ANLN: variants seen among roughly 807,000 people sequenced by gnomAD.
The protein encoded by ANLN is anillin.
ANLN carries 59 observed loss-of-function variants against 135.1 expected under a neutral mutation model. That is an observed-to-expected ratio of 0.44 (90% confidence interval 0.35 to 0.54). The LOEUF (loss-of-function observed/expected upper bound fraction) is 0.54. ANLN is among the 20% of genes least tolerant of loss of function. The pLI is 0.00. For missense variants in ANLN, 1,182 were observed against 1,340.0 expected (o/e 0.88, Z 1.84); for synonymous variants, 406 against 456.4 (o/e 0.89, Z 1.41).
Position 36,453,568 on chromosome 7 carries a change from A to T in ANLN, c.*968A>T, listed in dbSNP as rs11550332. The T allele has an allele frequency of 6.6e-6, 1 of 152,172 alleles. No individual in the cohort carries two copies. Among genetic ancestry groups the T allele is most frequent in the African/African-American group, 2.4e-5 (1 of 41,424 alleles). The allele number at this position is 152,172 out of a possible 1,614,324, so 9.4% of individuals were successfully genotyped here. ...CTATCACCTTTAAACGCCTTTTTTT[A>T]AAATTATAAAATATTGTAAAGCAGG... is the stretch of plus-strand genomic sequence containing the variant. On this transcript the variant is annotated 3_prime_UTR_variant, in exon 24 of 24. Coordinates refer to ENST00000265748, the MANE Select transcript of ANLN (RefSeq NM_018685.5).
chr7:36,390,021 G>A lies in ANLN; in HGVS notation c.-6G>A. 1 of 1,614,084 alleles carries A rather than the reference G, an allele frequency of 6.2e-7. No individual in the cohort carries two copies. Among genetic ancestry groups the A allele is most frequent in the Non-Finnish European group, 8.5e-7 (1 of 1,179,978 alleles). ...TCCATCGTCTCGTAGTCCGACGCCT[G>A]GGGCGATGGATCCGTTTACGGAGGT... On this transcript the variant is annotated 5_prime_UTR_variant, in exon 1 of 24. Coordinates refer to ENST00000265748, the MANE Select transcript of ANLN (RefSeq NM_018685.5).
In ANLN at chr7:36,399,501, T is replaced by C. The variant is rs540744157; in HGVS notation, c.487+108T>C. The stretch of plus-strand genomic sequence containing the variant: ...TCATGAAAAATAAATGCTTTTGTTT[T>C]ATCTATATGTTGAGTATCCTTTGCT... On this transcript the variant is annotated intron_variant, in intron 3 of 23. Transcript: ENST00000265748. 8.2e-5 allele frequency: 84 copies of C among 1,028,536 alleles called. 2 individuals carry two copies. In the South Asian group the frequency reaches 1.4e-3, roughly 17 times the overall value. The allele number at this position is 1,028,536 out of a possible 1,614,324, so 63.7% of individuals were successfully genotyped here. A position where few individuals can be genotyped will look rare whatever the true frequency, so the allele number is the denominator to read the frequency against.
chr7:36,426,967 T>C lies in ANLN; in HGVS notation c.2822T>C (p.Leu941Pro), dbSNP rs1339405645. Residue 941 changes from leucine (L) to proline (P), a missense_variant, in exon 20 of 24, where the codon CTT (leucine) becomes CCT (proline). Physicochemically the swap from Leu to Pro is moderately conservative, Grantham distance 98. Coordinates refer to ENST00000265748, the MANE Select transcript of ANLN (RefSeq NM_018685.5). ...LSAVRTSNFA[L>P]VGSYTLSLSS... ...GCTGTGCGAACCAGCAACTTCGCCC[T>C]TGTTGGATCTTACACATTATCATTG... 1.2e-6 allele frequency: 2 copies of C among 1,613,546 alleles called. No individual in the cohort carries two copies. The highest frequency in any genetic ancestry group is 1.3e-5 in the African/African-American group (1 of 74,908).
intron 20 of ANLN, among the ~76,000 whole-genome samples, chr7:36,432,777 G>A (rs546340493): frequency 8.6e-5 from 13 of 151,946 alleles, no homozygotes; most frequent in African/African-American, 3.1e-4. Context: ...ATACTTACCT[G>A]TTTTTGTTTT....
chr7:36,417,204 C>CTT lies in ANLN; in HGVS notation c.1633+16_1633+17dup. The CTT allele has an allele frequency of 7.0e-7, 1 of 1,438,844 alleles. No homozygotes were observed. The highest frequency in any genetic ancestry group is 9.6e-7 in the Non-Finnish European group (1 of 1,038,406). 89.1% of individuals were successfully genotyped at this position (1,438,844 alleles called of 1,614,324 possible). On this transcript the variant is annotated intron_variant, in intron 9 of 23. Transcript: ENST00000265748. ...AGCAGAAAATTGGTTGGTTTTTATT[C>CTT]TTTATTTATTATTAACTTTGCACAT...
chr7:36,424,761 C>T lies in ANLN; in HGVS notation c.2709+19C>T. 6.2e-7 allele frequency: 1 copy of T among 1,601,684 alleles called. No homozygotes were observed. The highest frequency in any genetic ancestry group is 1.1e-5 in the South Asian group (1 of 88,622). On this transcript the variant is annotated intron_variant, in intron 17 of 23. Coordinates refer to ENST00000265748, the MANE Select transcript of ANLN (RefSeq NM_018685.5). ...GTCCAAGGTGAGAATTAAAGAAACC[C>T]AGTAAAAATATTTTCATCAGAAGTA...
intron 7 of ANLN, 66 bp downstream of exon 7, chr7:36,411,232 C>T (rs1787401249): frequency 8.0e-7 from 1 of 1,255,782 alleles, no homozygotes; most frequent in Middle Eastern, 1.9e-4. Context: ...ATTTGTAGTT[C>T]TGTATTGGCA....
rs1483307228 is a variant in ANLN, at chr7:36,406,334, A to G, written c.641A>G (p.Asp214Gly). 1 of 1,614,108 alleles carries G rather than the reference A, an allele frequency of 6.2e-7. No individual in the cohort carries two copies. Among genetic ancestry groups the G allele is most frequent in the African/African-American group, 1.3e-5 (1 of 74,948 alleles). Residue 214 changes from aspartate (D) to glycine (G), a missense_variant, in exon 4 of 24, where the codon GAT (aspartate) becomes GGT (glycine). Physicochemically the swap from Asp to Gly is moderately conservative, Grantham distance 94. Transcript: ENST00000265748. ...NLAATICSWE[D>G]DVNHSFAKQN... The stretch of plus-strand genomic sequence containing the variant: ...GCTGCAACTATTTGCTCCTGGGAAG[A>G]TGATGTAAATCACTCATTTGCAAAA...
intron 9 of ANLN, 35 bp downstream of exon 9, chr7:36,417,225 C>T (rs1234360401): frequency 3.4e-6 from 4 of 1,167,286 alleles, no homozygotes; most frequent in Non-Finnish European, 5.0e-6. Context: ...ATTAACTTTG[C>T]ACATACTATA....
chr7:36,443,824 A>G lies in ANLN; in HGVS notation c.3040A>G (p.Ile1014Val), dbSNP rs566775273. The G allele has an allele frequency of 3.7e-6, 6 of 1,612,140 alleles. No individual in the cohort carries two copies. The East Asian group carries it at 8.9e-5, about 24-fold the overall frequency. The change falls in exon 22 of 24, where the codon ATA becomes GTA. Residue 1014 changes from isoleucine to valine, a missense_variant. By Grantham distance (29) the Ile-to-Val change is conservative (BLOSUM62 3). Transcript: ENST00000265748. ...RRWCVLSGNCISYWTYPDDEK... is the reference protein window; with the variant it reads ...RRWCVLSGNCVSYWTYPDDEK... The stretch of plus-strand genomic sequence containing the variant: ...ATGGTGTGTTCTTTCTGGAAACTGT[A>G]TATCTTATTGGACTTATCCAGATGA...
chr7:36,432,044 G>GT (rs540889428), intron 20 of ANLN, among the ~76,000 whole-genome samples: 2 of 151,764 alleles, frequency 1.3e-5, no homozygotes, highest in Non-Finnish European at 2.9e-5. Context: ...GATGAAAACA[G>GT]TTTTTTTTCA....
chr7:36,425,996 C>CT lies in ANLN; in HGVS notation c.2749-19_2749-18insT. 1.4e-6 allele frequency: 2 copies of CT among 1,458,070 alleles called. No homozygotes were observed. The highest frequency in any genetic ancestry group is 2.4e-5 in the Admixed American group (1 of 41,834). 90.3% of individuals were successfully genotyped at this position (1,458,070 alleles called of 1,614,324 possible). A position where few individuals can be genotyped will look rare whatever the true frequency, so the allele number is the denominator to read the frequency against. ...AAATAACTTATGTTTCTTCTTCACA[C>CT]CTTTTTTTTTTTTTTTAGAAAAGCA... is the stretch of plus-strand genomic sequence containing the variant. On this transcript the variant is annotated intron_variant, in intron 18 of 23. Transcript: ENST00000265748.
intron 2 of ANLN, among the ~76,000 whole-genome samples, chr7:36,397,154 T>A (rs1419984): frequency 0.79 from 110,296 of 140,470 alleles, 40,441 homozygotes; most frequent in East Asian, 0.89. Flanking sequence ...AATGTTTTTT[T>A]AAAAAAAAAG....
At chr7:36,444,012 A>G in intron 22 of ANLN, 150 bp downstream of exon 22, 1 of 564,586 alleles carries the variant, frequency 1.8e-6, no homozygotes, top group South Asian at 3.1e-5. Context: ...CTTGTTGGCC[A>G]GGCGCAGTGG....
chr7:36,391,837 G>T (rs1786480227), intron 1 of ANLN, among the ~76,000 whole-genome samples: 1 of 152,048 alleles, frequency 6.6e-6, no homozygotes, highest in Non-Finnish European at 1.5e-5. Context: ...AATTATTTTG[G>T]TAACTCCAGT....
intron 10 of ANLN, 97 bp downstream of exon 10, chr7:36,419,576 G>C: frequency 1.0e-6 from 1 of 998,880 alleles, no homozygotes; most frequent in Non-Finnish European, 1.5e-6. Context: ...ATTTGGCTCA[G>C]TAGCCAAGGG....
chr7:36,426,765 T>A, intron 19 of ANLN, 151 bp from the exon 20 acceptor site: 1 of 468,736 alleles, frequency 2.1e-6, no homozygotes, highest in Non-Finnish European at 3.8e-6. Context: ...AAGTTGATTT[T>A]TCCCCCCACA....
chr7:36,439,732 A>T (rs184751678), intron 21 of ANLN, among the ~76,000 whole-genome samples: 1 of 152,228 alleles, frequency 6.6e-6, no homozygotes, highest in Non-Finnish European at 1.5e-5. Flanking sequence ...CTTCTTTGTC[A>T]CTCCTACCCA....
chr7:36,434,348 T>C (rs1378527665), intron 20 of ANLN, among the ~76,000 whole-genome samples: 1 of 152,200 alleles, frequency 6.6e-6, no homozygotes, highest in African/African-American at 2.4e-5. Flanking sequence ...TCTTCAACCA[T>C]CACTTCTCAG....
Sources: gnomAD v4.1 joint callset for allele counts (sites outside exome capture counted in the v4.1 genomes callset) on GRCh38, gnomAD v4.1.1 for gene constraint, MANE v1.5 for transcripts, NCBI Gene and HGNC (gene_info 2026-07-23, HGNC 2026-07-21) for gene names.